NSMAF: variants seen among roughly 807,000 people sequenced by gnomAD.
The protein encoded by NSMAF is protein FAN.
A neutral mutation model predicts 134.9 loss-of-function variants in NSMAF; 90 were observed. That is an observed-to-expected ratio of 0.67 (90% CI 0.56 to 0.79). NSMAF has a LOEUF of 0.79. Ranked by LOEUF, NSMAF falls within the 30% of genes least tolerant of loss-of-function variation. The pLI is 0.00. For synonymous variants in NSMAF, 358 were observed against 389.6 expected (o/e 0.92, Z 0.96); for missense variants, 1,010 against 1,119.0 (o/e 0.90, Z 1.39).
intron 11 of NSMAF, among the ~76,000 whole-genome samples, chr8:58,606,767 T>C (rs1381613695): frequency 1.3e-5 from 2 of 152,198 alleles, no homozygotes; most frequent in Non-Finnish European, 2.9e-5. Flanking sequence ...GCTTTCACCA[T>C]GTACTAGCTG....
At chr8:58,619,128 T>C (rs1371619138) in intron 9 of NSMAF, among the ~76,000 whole-genome samples, 1 of 152,146 alleles carries the variant, frequency 6.6e-6, no homozygotes, top group African/African-American at 2.4e-5. Flanking sequence ...TATTCTTCCC[T>C]AAGCAATTCA....
At chr8:58,599,911 G>A in intron 17 of NSMAF, 41 bp from the exon 18 acceptor site, 1 of 1,612,978 alleles carries the variant, frequency 6.2e-7, no homozygotes, top group Admixed American at 1.7e-5. Flanking sequence ...CAACAAACAT[G>A]TTTTAAAGCA....
chr8:58,609,700 T>C lies in NSMAF; in HGVS notation c.591A>G (p.Glu197=). 6.2e-7 allele frequency: 1 copy of C among 1,614,194 alleles called. No individual in the cohort carries two copies. Among genetic ancestry groups the C allele is most frequent in the Non-Finnish European group, 8.5e-7 (1 of 1,180,010 alleles). ...FQNISEKLHM[E]CKAEMVTPLV... is the part of the protein sequence containing the mutation. ...GAGGCGTCACCATTTCTGCTTTGCA[T>C]TCCATGTGCAGCTTTTCAGAAATGT... Residue 197 remains glutamate, a synonymous_variant, in exon 10 of 31, where the codon GAA becomes GAG. Transcript: ENST00000038176.
chr8:58,643,449 TC>T (rs1192504074), intron 1 of NSMAF, among the ~76,000 whole-genome samples: 3 of 152,048 alleles, frequency 2.0e-5, no homozygotes, highest in Admixed American at 2.0e-4. Context: ...CCCCACCTCT[TC>T]CCTGTCATAC....
chr8:58,623,751 A>G lies in NSMAF; in HGVS notation c.414T>C (p.Asp138=), dbSNP rs1189647780. Residue 138 remains aspartate (D), a synonymous_variant, in exon 7 of 31, where the codon GAT becomes GAC. Coordinates refer to ENST00000038176, the MANE Select transcript of NSMAF (RefSeq NM_003580.4). ...RGKMEYVFEL[D]VPGKVEDVVE... ...CAACATCTTCCACTTTCCCGGGAAC[A>G]TCCAATTCAAAAACATATTCCATTT... The G allele has an allele frequency of 6.2e-7, 1 of 1,613,980 alleles. No homozygotes were observed. The highest frequency in any genetic ancestry group is 8.5e-7 in the Non-Finnish European group (1 of 1,179,970).
In NSMAF at chr8:58,595,648, AAG is replaced by A; in HGVS notation, c.1802_1803del (p.Ser601PhefsTer2). On this transcript the variant is annotated frameshift_variant, in exon 22 of 31. Transcript: ENST00000038176. LOFTEE classifies it high-confidence loss of function. ...TTGCTTTCTTCGGTCAGGTCTTCAA[AAG>A]ACTCTTCACCTGGAGAGACGACATT... ...ASMADSPGEESFEDLTEESKT... is the reference protein window; with the variant it reads ...ASMADSPGEEXFEDLTEESKT... 6.2e-7 allele frequency: 1 copy of A among 1,612,688 alleles called. No homozygotes were observed. The highest frequency in any genetic ancestry group is 8.5e-7 in the Non-Finnish European group (1 of 1,178,936).
chr8:58,618,829 T>C (rs760142365), intron 9 of NSMAF, among the ~76,000 whole-genome samples: 2 of 152,172 alleles, frequency 1.3e-5, no homozygotes, highest in African/African-American at 2.4e-5. Flanking sequence ...AGAAATACGA[T>C]GAAAGCTTAT....
chr8:58,642,557 C>T (rs953109377), intron 2 of NSMAF, among the ~76,000 whole-genome samples: 3 of 151,938 alleles, frequency 2.0e-5, no homozygotes, highest in East Asian at 3.9e-4. Context: ...CATTGTCACC[C>T]GAATAATTGA....
rs569874396 is a variant in NSMAF at position 58,630,466 on chromosome 8, A to G, written c.384+1030T>C. Among the ~76,000 whole-genome samples, 65 of 152,204 alleles carry G rather than the reference A, an allele frequency of 4.3e-4. 1 individual carries two copies. In the South Asian group the frequency reaches 5.4e-3, roughly 13 times the overall value. The stretch of plus-strand genomic sequence containing the variant: ...CAGGTATGCAATTCAGCTGGCTCTC[A>G]CGAGAGCCTTTAGAGGAAGGGCACC... On this transcript the variant is annotated intron_variant, in intron 6 of 30. Transcript: ENST00000038176.
chr8:58,625,691 T>C (rs6998210), intron 6 of NSMAF, among the ~76,000 whole-genome samples: 47,826 of 152,026 alleles, frequency 0.31, 7,882 homozygotes, highest in Non-Finnish European at 0.36. Context: ...AATGAGTCTC[T>C]TGCAGATGGC....
intron 23 of NSMAF, among the ~76,000 whole-genome samples, chr8:58,593,241 C>T (rs1184482069): frequency 6.6e-6 from 1 of 152,162 alleles, no homozygotes. Context: ...TTGGGAACTG[C>T]ACATGAACTT....
intron 16 of NSMAF, chr8:58,600,249 G>GACC: frequency 1.8e-6 from 1 of 554,574 alleles, no homozygotes; most frequent in Non-Finnish European, 3.2e-6. Flanking sequence ...TGGGCATAGA[G>GACC]TCCGAGTCCA....
At chr8:58,615,588 C>T (rs532992587) in intron 9 of NSMAF, among the ~76,000 whole-genome samples, 1 of 151,924 alleles carries the variant, frequency 6.6e-6, no homozygotes, top group African/African-American at 2.4e-5. Flanking sequence ...TACCTATGGG[C>T]CAAAGGAGAA....
At chr8:58,618,988 T>C (rs1007264894) in intron 9 of NSMAF, among the ~76,000 whole-genome samples, 1 of 152,168 alleles carries the variant, frequency 6.6e-6, no homozygotes, top group Non-Finnish European at 1.5e-5. Context: ...GAACTATTTT[T>C]TAAATGAATG....
In NSMAF at chr8:58,584,183, A is replaced by G. The variant is rs1005080315; in HGVS notation, c.2677T>C (p.Trp893Arg). ...ATACTGCTACACTGTTCATTCATCC[A>G]TATACATGTCACAGCACCTGAGAGA... ...QGHTGAVTCI[W>R]MNEQCSSIIT... The change falls in exon 31 of 31, where the codon TGG becomes CGG. Residue 893 changes from tryptophan to arginine, a missense_variant. Coordinates refer to ENST00000038176, the MANE Select transcript of NSMAF (RefSeq NM_003580.4). 6.2e-7 allele frequency: 1 copy of G among 1,613,510 alleles called. No homozygotes were observed. Among genetic ancestry groups the G allele is most frequent in the Non-Finnish European group, 8.5e-7 (1 of 1,179,536 alleles).
intron 1 of NSMAF, among the ~76,000 whole-genome samples, chr8:58,646,982 C>CA (rs1405794378): frequency 1.3e-5 from 2 of 152,204 alleles, no homozygotes; most frequent in Admixed American, 1.3e-4. Context: ...GCCTACTGTA[C>CA]AACACTTAAC....
chr8:58,598,777 C>A (rs956680826), intron 19 of NSMAF, among the ~76,000 whole-genome samples: 1 of 152,100 alleles, frequency 6.6e-6, no homozygotes, highest in Admixed American at 6.5e-5. Flanking sequence ...AATCCCAGCA[C>A]TTTGGGAGGC....
intron 1 of NSMAF, among the ~76,000 whole-genome samples, chr8:58,655,035 C>T (rs1807671064): frequency 1.3e-5 from 2 of 151,956 alleles, no homozygotes; most frequent in South Asian, 4.2e-4. Context: ...GACAGGGTTT[C>T]ACCATGTTGA....
chr8:58,622,583 C>A (rs771974248), intron 9 of NSMAF, among the ~76,000 whole-genome samples: 26 of 152,232 alleles, frequency 1.7e-4, no homozygotes, highest in South Asian at 6.2e-4. Context: ...TTAGTAGAAA[C>A]AGGGTTTCAC....
Sources: allele counts gnomAD v4.1 joint callset (sites outside exome capture counted in the v4.1 genomes callset), GRCh38; gene constraint gnomAD v4.1.1; transcripts MANE v1.5; gene names NCBI Gene and HGNC (gene_info 2026-07-23, HGNC 2026-07-21).